MDGA2: variants seen among roughly 807,000 people sequenced by gnomAD.
The protein encoded by MDGA2 is MAM domain-containing glycosylphosphatidylinositol anchor protein 2.
MDGA2 carries 40 observed loss-of-function variants against 117.8 expected under a neutral mutation model. That is an observed-to-expected ratio of 0.34 (90% CI 0.26 to 0.44). The LOEUF (loss-of-function observed/expected upper bound fraction) is 0.44. Among genes scored for constraint, MDGA2 ranks in the 20% least tolerant of loss-of-function variants. The pLI is 1.00. For synonymous variants in MDGA2, 452 were observed against 439.0 expected, an observed-to-expected ratio of 1.03 and a Z score of -0.37; for missense variants, 1,123 against 1,250.6, an observed-to-expected ratio of 0.90 and a Z score of 1.54.
intron 8 of MDGA2, among the ~76,000 whole-genome samples, chr14:47,000,378 T>C (rs1462133424): frequency 7.1e-5 from 4 of 56,262 alleles, no homozygotes; most frequent in Non-Finnish European, 1.2e-4. Context: ...TATATATATT[T>C]ATATATATAT....
intron 1 of MDGA2, among the ~76,000 whole-genome samples, chr14:47,335,745 T>TATATATATATAC: frequency 2.1e-5 from 2 of 95,552 alleles, no homozygotes; most frequent in African/African-American, 4.3e-5. Flanking sequence ...TATATATATA[T>TATATATATATAC]ATACATACAT....
At chr14:47,354,521 T>A (rs774136948) in intron 1 of MDGA2, among the ~76,000 whole-genome samples, 35 of 152,244 alleles carry the variant, frequency 2.3e-4, no homozygotes, top group Non-Finnish European at 4.6e-4. Context: ...ATGTGACATA[T>A]GAAAAAGCAT....
At chr14:47,033,607 G>C (rs1320871792) in intron 8 of MDGA2, among the ~76,000 whole-genome samples, 1 of 152,080 alleles carries the variant, frequency 6.6e-6, no homozygotes, top group African/African-American at 2.4e-5. Flanking sequence ...CATGAGTATA[G>C]AGGCCAGTGA....
chr14:46,990,989 G>A (rs1056532117), intron 8 of MDGA2, among the ~76,000 whole-genome samples: 1 of 151,950 alleles, frequency 6.6e-6, no homozygotes, highest in Non-Finnish European at 1.5e-5. Context: ...GCAAGTATCA[G>A]AACACACACT....
intron 1 of MDGA2, among the ~76,000 whole-genome samples, chr14:47,482,903 G>GAAA (rs71900416): frequency 7.3e-6 from 1 of 137,554 alleles, no homozygotes; most frequent in Admixed American, 7.2e-5. Context: ...GTGGAGTAAT[G>GAAA]AAAAAAAAAA....
At chr14:47,157,984 G>T (rs1003888679) in intron 3 of MDGA2, among the ~76,000 whole-genome samples, 3 of 145,452 alleles carry the variant, frequency 2.1e-5, no homozygotes, top group Non-Finnish European at 4.5e-5. Context: ...TAGCAGTGTG[G>T]AACAGACTAA....
In MDGA2 at chr14:47,674,922, G is replaced by C. The variant is rs1898151960; in HGVS notation, c.-126C>G. On this transcript the variant is annotated 5_prime_UTR_variant, in exon 1 of 17. Coordinates refer to ENST00000399232, the MANE Select transcript of MDGA2 (RefSeq NM_001113498.3). ...CGCAGACGCCGGGGAGGAGCAGGGG[G>C]CGGTGATGGGAAGGGGAGCTGCGAG... 12 of 522,530 alleles carry C rather than the reference G, an allele frequency of 2.3e-5. No individual in the cohort carries two copies. The highest frequency in any genetic ancestry group is 4.0e-5 in the Non-Finnish European group (12 of 301,548). 32.4% of individuals were successfully genotyped at this position (522,530 alleles called of 1,614,324 possible).
At chr14:47,371,805 TATAAC>T (rs1255468161) in intron 1 of MDGA2, among the ~76,000 whole-genome samples, 2 of 151,800 alleles carry the variant, frequency 1.3e-5, no homozygotes, top group Non-Finnish European at 3.0e-5. Flanking sequence ...TGATTTATGT[TATAAC>T]ATCATACAAA....
At chr14:47,292,277 G>A (rs942969264) in intron 2 of MDGA2, among the ~76,000 whole-genome samples, 1 of 152,126 alleles carries the variant, frequency 6.6e-6, no homozygotes, top group East Asian at 1.9e-4. Context: ...ACATCGGTTT[G>A]GGAAGAACAG....
chr14:46,879,487 AT>A (rs543394161), intron 11 of MDGA2, among the ~76,000 whole-genome samples: 86 of 152,260 alleles, frequency 5.6e-4, no homozygotes, highest in African/African-American at 1.8e-3. Context: ...AATGTTGGAG[AT>A]CTGAATATGT....
In MDGA2 at chr14:47,061,351, CAAT is replaced by C. The variant is rs1190674120; in HGVS notation, c.1420_1422del (p.Ile474del). On this transcript the variant is annotated inframe_deletion, in exon 7 of 17. Coordinates refer to ENST00000399232, the MANE Select transcript of MDGA2 (RefSeq NM_001113498.3). ...GTCCCAAAATCCGTGAATTTTAAAT[CAAT>C]GATGTCCAAGTTTGTTGTTCCCGGA... 1 of 1,613,596 alleles carries C rather than the reference CAAT, an allele frequency of 6.2e-7. No individual in the cohort carries two copies. Among genetic ancestry groups the C allele is most frequent in the South Asian group, 1.1e-5 (1 of 91,076 alleles).
chr14:47,111,484 T>C (rs972996851), intron 5 of MDGA2, among the ~76,000 whole-genome samples: 5 of 152,116 alleles, frequency 3.3e-5, no homozygotes, highest in Non-Finnish European at 7.4e-5. Flanking sequence ...CTAGTCAGAA[T>C]TGCAGAAATA....
chr14:46,916,640 T>C (rs916135816), intron 10 of MDGA2, among the ~76,000 whole-genome samples: 1 of 152,084 alleles, frequency 6.6e-6, no homozygotes, highest in Non-Finnish European at 1.5e-5. Context: ...GCAGAGGTTA[T>C]AGTTTTGAAA....
At chr14:47,616,655 G>A (rs1896953144) in intron 1 of MDGA2, among the ~76,000 whole-genome samples, 1 of 152,058 alleles carries the variant, frequency 6.6e-6, no homozygotes, top group Non-Finnish European at 1.5e-5. Flanking sequence ...AGGGACAACT[G>A]AAATCTCACT....
chr14:47,324,064 T>C (rs553692798), intron 1 of MDGA2, among the ~76,000 whole-genome samples: 2 of 152,070 alleles, frequency 1.3e-5, no homozygotes, highest in South Asian at 4.2e-4. Flanking sequence ...GCTAACACAG[T>C]GAAACCCTGT....
intron 16 of MDGA2, among the ~76,000 whole-genome samples, chr14:46,844,636 C>G (rs1005268575): frequency 1.3e-5 from 2 of 152,008 alleles, no homozygotes. Flanking sequence ...ACAAACTGGA[C>G]GAATGAAAGC....
intron 8 of MDGA2, among the ~76,000 whole-genome samples, chr14:46,971,422 G>C (rs184201209): frequency 6.6e-6 from 1 of 152,212 alleles, no homozygotes; most frequent in Non-Finnish European, 1.5e-5. Context: ...GGATGAAACT[G>C]GAGGACATTA....
chr14:46,891,280 G>A (rs889078888), intron 10 of MDGA2, among the ~76,000 whole-genome samples: 1 of 151,480 alleles, frequency 6.6e-6, no homozygotes, highest in African/African-American at 2.4e-5. Flanking sequence ...ATTAAAATGT[G>A]TAGAATTACT....
chr14:47,278,726 C>T (rs937299869), intron 2 of MDGA2, among the ~76,000 whole-genome samples: 3 of 152,090 alleles, frequency 2.0e-5, no homozygotes, highest in Non-Finnish European at 4.4e-5. Flanking sequence ...GCATATGACA[C>T]ACAATTCAAA....
Sources: gnomAD v4.1 joint callset for allele counts (sites outside exome capture counted in the v4.1 genomes callset) on GRCh38, gnomAD v4.1.1 for gene constraint, MANE v1.5 for transcripts, NCBI Gene and HGNC (gene_info 2026-07-23, HGNC 2026-07-21) for gene names.